Variants in TMEM163 observed in about 807,000 individuals in gnomAD.
TMEM163 encodes the protein transmembrane protein 163.
A neutral mutation model predicts 29.3 loss-of-function variants in TMEM163; 17 were observed. The ratio of observed to expected loss-of-function variants is 0.58; its 90% CI spans 0.40 to 0.87. The LOEUF is 0.87. TMEM163 is among the 40% of genes least tolerant of loss of function. TMEM163 has a pLI of 0.00. For synonymous variants in TMEM163, 157 were observed against 160.6 expected (o/e 0.98, Z 0.17); for missense variants, 303 against 381.5 (o/e 0.79, Z 1.71).
chr2:134,461,439 A>G (rs1249849125), intron 6 of TMEM163, among the ~76,000 whole-genome samples: 2 of 152,170 alleles, frequency 1.3e-5, no homozygotes, highest in Non-Finnish European at 2.9e-5. Context: ...TTCCTGTAGG[A>G]CTGAAGCTGT....
intron 4 of TMEM163, among the ~76,000 whole-genome samples, chr2:134,507,481 A>T (rs547094608): frequency 1.3e-5 from 2 of 152,304 alleles, no homozygotes; most frequent in African/African-American, 4.8e-5. Context: ...TCCACCCCAG[A>T]CCTACTGAAT....
At chr2:134,555,964 T>C (rs778449249) in intron 2 of TMEM163, among the ~76,000 whole-genome samples, 3 of 152,220 alleles carry the variant, frequency 2.0e-5, no homozygotes, top group Non-Finnish European at 4.4e-5. Context: ...GATTCAAAAA[T>C]GGCACAATTC....
intron 2 of TMEM163, among the ~76,000 whole-genome samples, chr2:134,560,836 C>G (rs1034205468): frequency 7.9e-5 from 12 of 152,210 alleles, no homozygotes; most frequent in African/African-American, 2.9e-4. Flanking sequence ...CGTTCCAAAG[C>G]AGGGATCGGC....
At chr2:134,465,198 A>AAACGAAAAC (rs1553471768) in intron 6 of TMEM163, among the ~76,000 whole-genome samples, 1 of 144,364 alleles carries the variant, frequency 6.9e-6, no homozygotes, top group African/African-American at 2.8e-5. Context: ...TTAAAAAAAA[A>AAACGAAAAC]AAAAACAAAA....
At chr2:134,656,531 G>C (rs894266210) in intron 2 of TMEM163, among the ~76,000 whole-genome samples, 4 of 152,204 alleles carry the variant, frequency 2.6e-5, no homozygotes, top group Admixed American at 1.3e-4. Context: ...GCTGGGAGCT[G>C]TAGACCGGAG....
At chr2:134,512,284 C>T (rs924675599) in intron 4 of TMEM163, among the ~76,000 whole-genome samples, 55 of 152,098 alleles carry the variant, frequency 3.6e-4, no homozygotes, top group African/African-American at 1.3e-3. Context: ...ATGGTGAAAC[C>T]CCATCTCTAA....
intron 2 of TMEM163, among the ~76,000 whole-genome samples, chr2:134,646,387 G>A (rs1195802430): frequency 2.7e-5 from 4 of 150,876 alleles, no homozygotes; most frequent in African/African-American, 9.8e-5. Context: ...ATGTGGCCTA[G>A]ATGGCTTTTT....
intron 2 of TMEM163, among the ~76,000 whole-genome samples, chr2:134,591,105 G>A (rs1276496268): frequency 6.6e-6 from 1 of 152,188 alleles, no homozygotes. Flanking sequence ...TGTGCCTTAT[G>A]CAAATGAGAC....
chr2:134,496,205 G>A (rs898799800), intron 5 of TMEM163, among the ~76,000 whole-genome samples: 2 of 152,032 alleles, frequency 1.3e-5, no homozygotes, highest in Non-Finnish European at 2.9e-5. Context: ...GGGATTACAG[G>A]TGCCCACCAC....
intron 4 of TMEM163, among the ~76,000 whole-genome samples, chr2:134,542,020 C>G (rs1255962138): frequency 6.6e-6 from 1 of 152,194 alleles, no homozygotes; most frequent in Non-Finnish European, 1.5e-5. Context: ...CTTTTTATCC[C>G]CTCACTACAT....
At chr2:134,569,375 C>T (rs1681371541) in intron 2 of TMEM163, among the ~76,000 whole-genome samples, 1 of 152,116 alleles carries the variant, frequency 6.6e-6, no homozygotes, top group Non-Finnish European at 1.5e-5. Context: ...CCTCATCCCA[C>T]CCCCACATCA....
intron 2 of TMEM163, among the ~76,000 whole-genome samples, chr2:134,615,037 T>G (rs1166653617): frequency 6.6e-6 from 1 of 151,822 alleles, no homozygotes; most frequent in Non-Finnish European, 1.5e-5. Context: ...AAAAAAACAT[T>G]AACATAGACA....
chr2:134,499,005 G>A (rs976994143), intron 5 of TMEM163, among the ~76,000 whole-genome samples: 20 of 152,200 alleles, frequency 1.3e-4, no homozygotes, highest in East Asian at 5.8e-4. Flanking sequence ...CTGGGTCCTC[G>A]AGCAAAGGAT....
At chr2:134,661,130 C>G (rs933219263) in intron 2 of TMEM163, among the ~76,000 whole-genome samples, 4 of 149,724 alleles carry the variant, frequency 2.7e-5, no homozygotes, top group African/African-American at 1.0e-4. Flanking sequence ...CTCTCTCACA[C>G]ACACATACAA....
intron 5 of TMEM163, among the ~76,000 whole-genome samples, chr2:134,485,349 G>A (rs1679284136): frequency 6.6e-6 from 1 of 152,252 alleles, no homozygotes; most frequent in Non-Finnish European, 1.5e-5. Context: ...GGTCCTTGAA[G>A]TATGTTTCTG....
intron 4 of TMEM163, among the ~76,000 whole-genome samples, chr2:134,507,594 G>A (rs1014933487): frequency 5.3e-5 from 8 of 152,148 alleles, no homozygotes; most frequent in African/African-American, 1.9e-4. Flanking sequence ...GGCCGGGTGT[G>A]GTGGCTCACA....
At chr2:134,549,421 C>T (rs1173549569) in intron 4 of TMEM163, among the ~76,000 whole-genome samples, 1 of 152,218 alleles carries the variant, frequency 6.6e-6, no homozygotes, top group Non-Finnish European at 1.5e-5. Context: ...AATCTCGGCT[C>T]ACTACAGCCT....
chr2:134,533,243 A>G (rs1158147974), intron 4 of TMEM163, among the ~76,000 whole-genome samples: 3 of 152,252 alleles, frequency 2.0e-5, no homozygotes, highest in Non-Finnish European at 4.4e-5. Context: ...AGAATGGGTT[A>G]CATATATAGG....
chr2:134,576,551 C>T (rs1433021354), intron 2 of TMEM163, among the ~76,000 whole-genome samples: 2 of 152,194 alleles, frequency 1.3e-5, no homozygotes, highest in South Asian at 2.1e-4. Context: ...CAGAATGCCT[C>T]TCAGAGGCCA....
Sources: gnomAD v4.1 joint callset for allele counts (sites outside exome capture counted in the v4.1 genomes callset) on GRCh38, gnomAD v4.1.1 for gene constraint, MANE v1.5 for transcripts, NCBI Gene and HGNC (gene_info 2026-07-23, HGNC 2026-07-21) for gene names.